UIMC1: variants seen among roughly 807,000 people sequenced by gnomAD.
UIMC1 encodes BRCA1-A complex subunit RAP80.
A neutral mutation model predicts 84.9 loss-of-function variants in UIMC1; 42 were observed. That is an observed-to-expected ratio of 0.49 (90% CI 0.39 to 0.64). The LOEUF (loss-of-function observed/expected upper bound fraction) is 0.64, where lower values mean the gene tolerates loss of function less well. Ranked by LOEUF, UIMC1 falls within the 30% of genes least tolerant of loss-of-function variation. The pLI, the probability that UIMC1 is intolerant of heterozygous loss-of-function variation, is 0.00. For synonymous variants in UIMC1, 281 were observed against 293.0 expected (o/e 0.96, Z 0.42); for missense variants, 825 against 847.6 (o/e 0.97, Z 0.33).
rs1554106274 is a variant in UIMC1 at position 176,914,044 on chromosome 5, T to TACCACACCACACCACACCACACCAC, written c.1598-2656_1598-2655insGTGGTGTGGTGTGGTGTGGTGTGGT. Among the ~76,000 whole-genome samples the TACCACACCACACCACACCACACCAC allele has an allele frequency of 4.1e-5, 6 of 147,456 alleles. No individual in the cohort carries two copies. The South Asian group carries it at 6.4e-4, about 16-fold the overall frequency. The stretch of plus-strand genomic sequence containing the variant: ...ATACACCATACCATACCATACACCA[T>TACCACACCACACCACACCACACCAC]ACCATACCATACCATACCATACCAT... On this transcript the variant is annotated intron_variant, in intron 10 of 14. Transcript: ENST00000511320.
intron 10 of UIMC1, chr5:176,919,140 A>T: frequency 2.6e-6 from 1 of 389,544 alleles, no homozygotes; most frequent in South Asian, 1.8e-5. Context: ...TAATCCACCC[A>T]TTTAAAGTCT....
intron 1 of UIMC1, among the ~76,000 whole-genome samples, chr5:176,984,007 C>A (rs1444227651): frequency 1.0e-4 from 13 of 129,038 alleles, no homozygotes; most frequent in South Asian, 2.6e-4. Context: ...GCCGCCCCGT[C>A]TGGGAAGTGA....
intron 10 of UIMC1, among the ~76,000 whole-genome samples, chr5:176,935,105 A>G (rs972731906): frequency 3.0e-4 from 45 of 152,340 alleles, no homozygotes; most frequent in African/African-American, 1.0e-3. Flanking sequence ...ACACTCACCA[A>G]TAATTATTTG....
chr5:176,977,276 G>T (rs544381785), intron 2 of UIMC1, among the ~76,000 whole-genome samples: 2 of 149,298 alleles, frequency 1.3e-5, no homozygotes, highest in African/African-American at 4.9e-5. Flanking sequence ...CCACAACTAT[G>T]GTCAAAGACT....
At chr5:177,005,240 A>T (rs1009329252) in intron 1 of UIMC1, among the ~76,000 whole-genome samples, 5 of 151,282 alleles carry the variant, frequency 3.3e-5, no homozygotes, top group Non-Finnish European at 7.4e-5. Flanking sequence ...CACTCTAATA[A>T]TTTTTTTTAT....
chr5:177,014,057 CTT>C (rs34686520), intron 1 of UIMC1, among the ~76,000 whole-genome samples: 14 of 122,130 alleles, frequency 1.1e-4, no homozygotes, highest in African/African-American at 2.7e-4. Context: ...TTTTTCTTTT[CTT>C]TTTTTTTTTT....
intron 1 of UIMC1, among the ~76,000 whole-genome samples, chr5:177,003,662 C>T (rs1373330943): frequency 2.0e-5 from 3 of 151,948 alleles, no homozygotes; most frequent in Non-Finnish European, 4.4e-5. Context: ...CAAAAACAAA[C>T]AAACAAACAA....
intron 3 of UIMC1, among the ~76,000 whole-genome samples, chr5:176,972,572 C>G (rs746370913): frequency 4.6e-5 from 7 of 151,658 alleles, no homozygotes; most frequent in Non-Finnish European, 4.4e-5. Context: ...CTCATCTCTA[C>G]TAAAAATACA....
chr5:176,905,272 C>A lies in UIMC1; in HGVS notation c.*10G>T. ...ACTAATGGTTTTGTCAACTTTTGGA[C>A]CCTAGAAATTCAGAATTTTCTCCTT... On this transcript the variant is annotated 3_prime_UTR_variant, in exon 15 of 15. Coordinates refer to ENST00000511320, the MANE Select transcript of UIMC1 (RefSeq NM_001199298.2). The A allele has an allele frequency of 6.2e-7, 1 of 1,613,162 alleles. No individual in the cohort carries two copies. The highest frequency in any genetic ancestry group is 8.5e-7 in the Non-Finnish European group (1 of 1,179,466).
intron 10 of UIMC1, among the ~76,000 whole-genome samples, chr5:176,912,297 T>C (rs796554048): frequency 5.3e-5 from 8 of 152,336 alleles, no homozygotes; most frequent in East Asian, 1.9e-4. Flanking sequence ...TCACAGGCTA[T>C]ACATAAACAA....
At chr5:176,984,038 C>G (rs1301794269) in intron 1 of UIMC1, among the ~76,000 whole-genome samples, 2 of 117,804 alleles carry the variant, frequency 1.7e-5, no homozygotes, top group South Asian at 2.7e-4. Flanking sequence ...TGCCCGGCCG[C>G]CCCGTCTGGG....
intron 10 of UIMC1, among the ~76,000 whole-genome samples, chr5:176,941,936 CG>C (rs1764490103): frequency 6.6e-6 from 1 of 152,086 alleles, no homozygotes; most frequent in Non-Finnish European, 1.5e-5. Context: ...CTCTGCCTCC[CG>C]GGTTCAAGCA....
intron 9 of UIMC1, 57 bp downstream of exon 9, chr5:176,951,413 CAGAG>C: frequency 7.7e-7 from 1 of 1,295,642 alleles, no homozygotes; most frequent in Non-Finnish European, 1.0e-6. Flanking sequence ...AACGTTGCAT[CAGAG>C]AGAGGACTGC....
At chr5:176,949,289 ACATT>A (rs1287337785) in intron 9 of UIMC1, among the ~76,000 whole-genome samples, 1 of 152,162 alleles carries the variant, frequency 6.6e-6, no homozygotes, top group Non-Finnish European at 1.5e-5. Context: ...CAAAAAGAGG[ACATT>A]CAATGTGAGA....
At chr5:176,913,923 G>C (rs1760596301) in intron 10 of UIMC1, among the ~76,000 whole-genome samples, 1 of 152,200 alleles carries the variant, frequency 6.6e-6, no homozygotes, top group South Asian at 2.1e-4. Context: ...GCTGCAGTGA[G>C]CTGAGATAGC....
At chr5:176,999,549 A>T (rs1774145343) in intron 1 of UIMC1, among the ~76,000 whole-genome samples, 1 of 149,262 alleles carries the variant, frequency 6.7e-6, no homozygotes, top group Admixed American at 6.7e-5. Context: ...CCTCCCCACC[A>T]TCCCCCACTA....
chr5:176,931,001 C>G (rs1260658650), intron 10 of UIMC1, among the ~76,000 whole-genome samples: 3 of 152,246 alleles, frequency 2.0e-5, no homozygotes, highest in Non-Finnish European at 2.9e-5. Context: ...CAAACATTCC[C>G]CTGTGTGTCC....
intron 12 of UIMC1, among the ~76,000 whole-genome samples, chr5:176,907,741 A>T (rs1324859182): frequency 1.3e-5 from 2 of 152,266 alleles, no homozygotes; most frequent in East Asian, 3.8e-4. Flanking sequence ...GGAGTTCGAC[A>T]GAGTTGATCT....
At chr5:177,003,510 G>A (rs771838250) in intron 1 of UIMC1, among the ~76,000 whole-genome samples, 7 of 152,108 alleles carry the variant, frequency 4.6e-5, no homozygotes, top group East Asian at 1.9e-4. Context: ...AAAATTACCC[G>A]GGCATGGTGG....
Sources: allele counts gnomAD v4.1 joint callset (sites outside exome capture counted in the v4.1 genomes callset), GRCh38; gene constraint gnomAD v4.1.1; transcripts MANE v1.5; gene names NCBI Gene and HGNC (gene_info 2026-07-23, HGNC 2026-07-21).